Variants in TJP1 observed in about 807,000 individuals in gnomAD.
TJP1 encodes the protein tight junction protein ZO-1.
A neutral mutation model predicts 194.2 loss-of-function variants in TJP1; 43 were observed. The observed-to-expected ratio is 0.22, with a 90% CI of 0.17 to 0.29. The LOEUF (loss-of-function observed/expected upper bound fraction) is 0.29. Ranked by LOEUF, TJP1 falls within the 10% of genes least tolerant of loss-of-function variation. The probability of loss-of-function intolerance (pLI) is 1.00; values close to 1 mark genes in which losing one functional copy is unlikely to be tolerated. For missense variants in TJP1, 1,971 were observed against 2,185.7 expected (o/e 0.90, Z 1.96); for synonymous variants, 801 against 779.0 (o/e 1.03, Z -0.47).
Position 29,710,823 on chromosome 15 carries a change from C to T in TJP1, c.4372+8G>A. On this transcript the variant is annotated splice_region_variant and intron_variant, in intron 24 of 27. Transcript: ENST00000614355. ...CTGTGTTAAAATGTCTACTTCCGAA[C>T]TTCCTACCTTCACCATGTGCTCCCT... 6.2e-7 allele frequency: 1 copy of T among 1,613,892 alleles called. No homozygotes were observed. The highest frequency in any genetic ancestry group is 8.5e-7 in the Non-Finnish European group (1 of 1,180,032).
chr15:29,823,241 A>G (rs1039419743), upstream of TJP1: 8 of 152,190 alleles, frequency 5.3e-5, no homozygotes, highest in Admixed American at 3.3e-4. Flanking sequence ...CTGCATTCCA[A>G]TGCTGTCCCT....
chr15:29,734,109 AT>A (rs965302531), intron 12 of TJP1, among the ~76,000 whole-genome samples, 164 bp downstream of exon 12: 1 of 152,152 alleles, frequency 6.6e-6, no homozygotes, highest in African/African-American at 2.4e-5. Context: ...ATCATCTGAA[AT>A]TCTGTGCTCC....
At chr15:29,746,175 G>A (rs1436929596) in intron 8 of TJP1, among the ~76,000 whole-genome samples, 7 of 152,100 alleles carry the variant, frequency 4.6e-5, no homozygotes, top group Non-Finnish European at 1.5e-5. Context: ...TCAGAAGATC[G>A]AGACCATCCT....
At position 29,773,279 on chromosome 15, in the gene TJP1, C is replaced by T. The variant is rs759840978; in HGVS notation, c.163G>A (p.Val55Met). The T allele has an allele frequency of 1.9e-6, 3 of 1,614,094 alleles. No individual in the cohort carries two copies. Among genetic ancestry groups the T allele is most frequent in the Non-Finnish European group, 1.7e-6 (2 of 1,179,970 alleles). ...CCTCCTTTCAGCACATCTGAAATCA[C>T]TATTGACGTTTCCCCACTCTGAAAA... ...PHFQSGETSIVISDVLKGGPA... is the reference protein window; with the variant it reads ...PHFQSGETSIMISDVLKGGPA... Residue 55 changes from valine to methionine, a missense_variant, in exon 3 of 28, where the codon GTG (valine) becomes ATG (methionine). Around this residue, in one of 5 missense-constraint regions of TJP1, gnomAD observed 245 missense variants for 336.6 expected, o/e 0.73. Coordinates refer to ENST00000614355, the MANE Select transcript of TJP1 (RefSeq NM_001330239.4).
chr15:29,702,877 CTGATTTATCAAAGA>C (rs1402044604), intron 27 of TJP1, among the ~76,000 whole-genome samples: 4 of 152,142 alleles, frequency 2.6e-5, no homozygotes, highest in Non-Finnish European at 5.9e-5. Flanking sequence ...TAATGCTCAT[CTGATTTATCAAAGA>C]TTTGGAAGCT....
intron 1 of TJP1, chr15:29,821,373 A>C (rs2050331707): frequency 6.6e-6 from 1 of 152,236 alleles, no homozygotes; most frequent in Admixed American, 6.5e-5. Context: ...AGTTTAATTC[A>C]AGTTAAATTA....
chr15:29,944,252 C>T (rs2055195604), intron 2 of TJP1, among the ~76,000 whole-genome samples: 1 of 151,742 alleles, frequency 6.6e-6, no homozygotes, highest in Admixed American at 6.6e-5. Flanking sequence ...GCCACCACAC[C>T]CGGCTAATTT....
At chr15:29,837,185 G>A (rs2051064415) in intron 2 of TJP1, among the ~76,000 whole-genome samples, 1 of 152,180 alleles carries the variant, frequency 6.6e-6, no homozygotes, top group African/African-American at 2.4e-5. Context: ...ACTAGTTAAT[G>A]ATAGTAATTA....
Position 29,808,931 on chromosome 15 carries a change from C to T in TJP1, c.28-8229G>A, listed in dbSNP as rs963326542. 4.6e-5 allele frequency among the ~76,000 whole-genome samples: 7 copies of T among 152,060 alleles called. 1 individual carries two copies. Among genetic ancestry groups the T allele is most frequent in the Non-Finnish European group, 7.4e-5 (5 of 68,006 alleles). ...GAACTGTAAAAACAAACAAAAAAAT[C>T]AAATCTGAATCTGATCAAGGCTCTA... On this transcript the variant is annotated intron_variant, in intron 1 of 27. Coordinates refer to ENST00000614355, the MANE Select transcript of TJP1 (RefSeq NM_001330239.4).
chr15:29,829,707 A>G (rs2050779438), intron 2 of TJP1, among the ~76,000 whole-genome samples: 2 of 152,150 alleles, frequency 1.3e-5, no homozygotes, highest in African/African-American at 4.8e-5. Flanking sequence ...GCATTTTTTT[A>G]CAATGTGTGT....
chr15:29,831,446 C>G (rs1311208478), intron 2 of TJP1, among the ~76,000 whole-genome samples: 1 of 152,138 alleles, frequency 6.6e-6, no homozygotes, highest in Non-Finnish European at 1.5e-5. Context: ...TGAATGAAAT[C>G]CAGTCTACAG....
At chr15:29,778,040 T>A (rs2047125027) in intron 2 of TJP1, among the ~76,000 whole-genome samples, 1 of 151,862 alleles carries the variant, frequency 6.6e-6, no homozygotes, top group Non-Finnish European at 1.5e-5. Flanking sequence ...ATAAAAAGAT[T>A]AAAAAAAACC....
chr15:29,925,137 C>T (rs917651285), intron 2 of TJP1, among the ~76,000 whole-genome samples: 3 of 152,208 alleles, frequency 2.0e-5, no homozygotes, highest in Admixed American at 6.5e-5. Context: ...CTACAATTTC[C>T]AACCACTTGT....
chr15:29,901,641 G>A (rs1483984116), intron 2 of TJP1, among the ~76,000 whole-genome samples: 1 of 152,106 alleles, frequency 6.6e-6, no homozygotes, highest in Non-Finnish European at 1.5e-5. Context: ...GGCCAACATG[G>A]TGAAACCCCA....
At chr15:29,764,863 AAG>A (rs2046233940) in intron 5 of TJP1, among the ~76,000 whole-genome samples, 1 of 152,192 alleles carries the variant, frequency 6.6e-6, no homozygotes, top group Non-Finnish European at 1.5e-5. Context: ...GGGCTGGAGA[AAG>A]AGGTTCTGCC....
intron 2 of TJP1, among the ~76,000 whole-genome samples, chr15:29,795,087 A>T (rs1169800627): frequency 3.3e-5 from 5 of 152,204 alleles, no homozygotes; most frequent in Admixed American, 2.6e-4. Flanking sequence ...TGTTATACTC[A>T]TAATTTTAAC....
At chr15:29,761,356 A>G in intron 7 of TJP1, 70 bp from the exon 8 acceptor site, 1 of 1,547,816 alleles carries the variant, frequency 6.5e-7, no homozygotes, top group Non-Finnish European at 8.8e-7. Flanking sequence ...TACTCCAGTA[A>G]TAATGAAGAT....
At chr15:29,750,369 G>C (rs2045185898) in intron 8 of TJP1, among the ~76,000 whole-genome samples, 1 of 152,090 alleles carries the variant, frequency 6.6e-6, no homozygotes, top group African/African-American at 2.4e-5. Flanking sequence ...GAACTCCTGA[G>C]TTCAGGCAAT....
intron 22 of TJP1, 145 bp downstream of exon 22, chr15:29,717,876 T>C (rs2042664487): frequency 1.5e-6 from 1 of 657,332 alleles, no homozygotes. Flanking sequence ...AATCACTGTT[T>C]AGGAGAGCTG....
Sources: allele counts gnomAD v4.1 joint callset (sites outside exome capture counted in the v4.1 genomes callset), GRCh38; gene constraint gnomAD v4.1.1; regional missense constraint gnomAD v4.1.1; transcripts MANE v1.5; gene names NCBI Gene and HGNC (gene_info 2026-07-23, HGNC 2026-07-21).